Variants in HTR2C observed in about 807,000 individuals in gnomAD.
HTR2C encodes the protein 5-hydroxytryptamine receptor 2C.
A neutral mutation model predicts 21.0 loss-of-function variants in HTR2C; 5 were observed. That is an observed-to-expected ratio of 0.24 (90% CI 0.12 to 0.50). The LOEUF (loss-of-function observed/expected upper bound fraction) is 0.50, where lower values mean the gene tolerates loss of function less well. Among genes scored for constraint, HTR2C ranks in the 20% least tolerant of loss-of-function variants. The pLI, the probability that HTR2C is intolerant of heterozygous loss-of-function variation, is 0.98. For missense variants in HTR2C, 271 were observed against 371.2 expected (o/e 0.73, Z 2.22); for synonymous variants, 150 against 145.3 (o/e 1.03, Z -0.23).
intron 4 of HTR2C, among the ~76,000 whole-genome samples, chrX:114,735,675 A>G (rs1386919716): frequency 1.1e-4 from 4 of 35,256 alleles, no homozygotes; most frequent in Admixed American, 5.8e-4. Flanking sequence ...ATCAGAAAGT[A>G]ATAGAATAAG....
chrX:114,595,057 T>G (rs782002704), intron 1 of HTR2C, among the ~76,000 whole-genome samples: 3 of 111,809 alleles, frequency 2.7e-5, no homozygotes, highest in Non-Finnish European at 5.6e-5. Context: ...TCCCTTCATT[T>G]GATTTTCAAC....
chrX:114,839,394 T>G (rs1350282910), intron 4 of HTR2C, among the ~76,000 whole-genome samples: 2 of 112,145 alleles, frequency 1.8e-5, no homozygotes, highest in Admixed American at 1.9e-4. Context: ...AAAAAAATCT[T>G]TAGTTTTTTT....
At chrX:114,869,763 A>C (rs2071076832) in intron 5 of HTR2C, among the ~76,000 whole-genome samples, 1 of 111,801 alleles carries the variant, frequency 8.9e-6, no homozygotes, top group South Asian at 3.7e-4. Context: ...AAAGACTTTC[A>C]GTTTTTCCCC....
chrX:114,690,859 A>T (rs1932086583), intron 2 of HTR2C, among the ~76,000 whole-genome samples: 1 of 111,466 alleles, frequency 9.0e-6, no homozygotes, highest in Non-Finnish European at 1.9e-5. Flanking sequence ...AAAACATATG[A>T]CTTATACCCT....
At chrX:114,793,535 T>C (rs782228266) in intron 4 of HTR2C, among the ~76,000 whole-genome samples, 1 of 111,796 alleles carries the variant, frequency 8.9e-6, no homozygotes, top group South Asian at 3.7e-4. Context: ...ATCTTTTCAT[T>C]ACATTTATTA....
rs1250493494 is a variant in HTR2C at position 114,594,441 on chromosome X, AT to A, written c.-147+9784del. ...TAAAATGTTTAATACATATATAGAA[AT>A]TGAAAAAGAAGTAAAGGTTAAATGG... On this transcript the variant is annotated intron_variant, in intron 1 of 5. Coordinates refer to ENST00000276198, the MANE Select transcript of HTR2C (RefSeq NM_000868.4). 3.6e-5 allele frequency among the ~76,000 whole-genome samples: 4 copies of A among 111,182 alleles called. No individual in the cohort carries two copies. The Admixed American group carries it at 3.8e-4, about 11-fold the overall frequency.
Position 114,828,073 on chromosome X carries a change from TG to T in HTR2C, c.350-19929del, listed in dbSNP as rs782609282. Among the ~76,000 whole-genome samples the T allele has an allele frequency of 5.5e-3, 608 of 111,058 alleles. 5 individuals are homozygous for T. Among genetic ancestry groups the T allele is most frequent in the African/African-American group, 0.019 (582 of 30,706 alleles). ...TTCTCCTCTCCTTATAAAATTCCAA[TG>T]ATACAAATGTTAAACATATAGTTAT... On this transcript the variant is annotated intron_variant, in intron 4 of 5. Coordinates refer to ENST00000276198, the MANE Select transcript of HTR2C (RefSeq NM_000868.4).
intron 4 of HTR2C, among the ~76,000 whole-genome samples, chrX:114,829,253 A>G (rs782759510): frequency 7.2e-5 from 8 of 110,697 alleles, no homozygotes; most frequent in Non-Finnish European, 1.5e-4. Context: ...TTTACGGTCA[A>G]CCTGGTGGGA....
At chrX:114,670,034 T>C (rs1931316157) in intron 2 of HTR2C, among the ~76,000 whole-genome samples, 2 of 110,682 alleles carry the variant, frequency 1.8e-5, no homozygotes, top group African/African-American at 6.6e-5. Flanking sequence ...AAGTGAGGAG[T>C]TTGAGACCAG....
intron 5 of HTR2C, among the ~76,000 whole-genome samples, chrX:114,876,170 T>C (rs999380312): frequency 6.3e-5 from 7 of 110,365 alleles, no homozygotes; most frequent in Non-Finnish European, 1.3e-4. Flanking sequence ...TTTATTCTAA[T>C]TTGAATGGGA....
rs191058891 is a variant in HTR2C at position 114,689,842 on chromosome X, A to G, written c.-79-37016A>G. 2.5e-3 allele frequency among the ~76,000 whole-genome samples: 279 copies of G among 112,127 alleles called. 1 individual carries two copies. Among genetic ancestry groups the G allele is most frequent in the African/African-American group, 8.4e-3 (261 of 30,962 alleles). On this transcript the variant is annotated intron_variant, in intron 2 of 5. Transcript: ENST00000276198. ...AGTTAAAGTAGAACTATAATATGGT[A>G]GATTAAATTTGGTTTGTGATGCAGT...
chrX:114,829,245 TA>T (rs781937592), intron 4 of HTR2C, among the ~76,000 whole-genome samples: 1,949 of 111,690 alleles, frequency 0.017, 46 homozygotes, highest in African/African-American at 0.061. Context: ...GTTTTGTGTT[TA>T]CGGTCAACCT....
chrX:114,857,677 C>T (rs782547550), intron 5 of HTR2C, among the ~76,000 whole-genome samples: 50 of 111,028 alleles, frequency 4.5e-4, no homozygotes, highest in Non-Finnish European at 4.9e-4. Flanking sequence ...CTGTGCATGA[C>T]CTTACACTCG....
intron 4 of HTR2C, among the ~76,000 whole-genome samples, chrX:114,826,883 T>C (rs2070683005): frequency 9.0e-6 from 1 of 111,603 alleles, no homozygotes; most frequent in Non-Finnish European, 1.9e-5. Context: ...TCCACTCTTT[T>C]ATTTCCTATA....
chrX:114,640,845 T>C (rs1930069724), intron 2 of HTR2C, among the ~76,000 whole-genome samples: 1 of 110,183 alleles, frequency 9.1e-6, no homozygotes, highest in South Asian at 3.9e-4. Context: ...TTTATTGCGC[T>C]GTTTCTCCTT....
chrX:114,786,721 T>A (rs2070178020), intron 4 of HTR2C, among the ~76,000 whole-genome samples: 1 of 111,331 alleles, frequency 9.0e-6, no homozygotes, highest in Admixed American at 9.6e-5. Flanking sequence ...TATTAGCAAT[T>A]TGATATGACT....
At chrX:114,614,714 T>C (rs1343685045) in intron 2 of HTR2C, among the ~76,000 whole-genome samples, 1 of 111,678 alleles carries the variant, frequency 9.0e-6, no homozygotes, top group African/African-American at 3.3e-5. Context: ...GAGAGGAGAA[T>C]TTTGTTTCTC....
At chrX:114,633,979 T>C (rs2147819749) in intron 2 of HTR2C, among the ~76,000 whole-genome samples, 1 of 90,322 alleles carries the variant, frequency 1.1e-5, no homozygotes, top group East Asian at 3.5e-4. Flanking sequence ...AGGTAAATGC[T>C]ATAAAATTTT....
chrX:114,606,776 A>G lies in HTR2C; in HGVS notation c.-146-7039A>G, dbSNP rs782736065. 4.5e-5 allele frequency among the ~76,000 whole-genome samples: 5 copies of G among 111,930 alleles called. No individual in the cohort carries two copies. The East Asian group carries it at 1.4e-3, about 32-fold the overall frequency. ...TCTCCCAAGGGAGGTACCCCGATCC[A>G]AGTCACAGCACCAAATTTCATGTGT... On this transcript the variant is annotated intron_variant, in intron 1 of 5. Transcript: ENST00000276198.
Sources: gnomAD v4.1 joint callset for allele counts (sites outside exome capture counted in the v4.1 genomes callset) on GRCh38, gnomAD v4.1.1 for gene constraint, MANE v1.5 for transcripts, NCBI Gene and HGNC (gene_info 2026-07-23, HGNC 2026-07-21) for gene names.